GTF2IRD1: variants seen among roughly 807,000 people sequenced by gnomAD.
The protein encoded by GTF2IRD1 is GTF2I repeat domain containing 1.
Under a neutral mutation model 113.2 loss-of-function variants are expected in GTF2IRD1, and 26 were observed. The ratio of observed to expected loss-of-function variants is 0.23; its 90% CI spans 0.17 to 0.32. GTF2IRD1 has a LOEUF of 0.32. GTF2IRD1 is among the 10% of genes least tolerant of loss of function. The pLI is 1.00. For missense variants in GTF2IRD1, 864 were observed against 1,280.8 expected (o/e 0.67, Z 4.97); for synonymous variants, 484 against 529.1 (o/e 0.91, Z 1.17).
chr7:74,517,001 T>TTTTTTTTTG (rs1554344715), intron 4 of GTF2IRD1, among the ~76,000 whole-genome samples: 1 of 90,182 alleles, frequency 1.1e-5, no homozygotes, highest in African/African-American at 5.6e-5. Context: ...CTCTCCTGTC[T>TTTTTTTTTG]TTGTTGTTGT....
chr7:74,481,300 G>A lies in GTF2IRD1; in HGVS notation c.-6-26775G>A, dbSNP rs189252124. ...TTTCTGAGTAGCTGTGACGACAGGC[G>A]CGTGCCACCACGCCCGGCTCATATT... On this transcript the variant is annotated intron_variant, in intron 1 of 26. Coordinates refer to ENST00000424337, the MANE Select transcript of GTF2IRD1 (RefSeq NM_005685.4). 7.8e-3 allele frequency among the ~76,000 whole-genome samples: 1,183 copies of A among 152,188 alleles called. 6 individuals are homozygous for A. Among genetic ancestry groups the A allele is most frequent in the Non-Finnish European group, 0.013 (864 of 68,004 alleles).
At chr7:74,492,607 T>C (rs1460147550) in intron 1 of GTF2IRD1, among the ~76,000 whole-genome samples, 1 of 152,236 alleles carries the variant, frequency 6.6e-6, no homozygotes, top group Non-Finnish European at 1.5e-5. Context: ...GTTGGCTGCA[T>C]GTACATCTCC....
At chr7:74,519,765 GTC>G (rs782569408) in intron 6 of GTF2IRD1, 46 bp downstream of exon 6, 1 of 1,390,404 alleles carries the variant, frequency 7.2e-7, no homozygotes, top group Non-Finnish European at 9.9e-7. Flanking sequence ...TGGGACAGAG[GTC>G]ACTCATGCAG....
At chr7:74,561,710 TG>T (rs1799977206) in intron 22 of GTF2IRD1, among the ~76,000 whole-genome samples, 2 of 152,110 alleles carry the variant, frequency 1.3e-5, no homozygotes, top group Non-Finnish European at 2.9e-5. Flanking sequence ...ACTGGGTTTC[TG>T]GCCCTGCACT....
chr7:74,511,464 A>C (rs1796622390), intron 2 of GTF2IRD1, among the ~76,000 whole-genome samples: 1 of 152,130 alleles, frequency 6.6e-6, no homozygotes, highest in Admixed American at 6.6e-5. Context: ...AGCTGGATTT[A>C]TTTGTTTTAT....
intron 1 of GTF2IRD1, among the ~76,000 whole-genome samples, chr7:74,490,595 C>G (rs2117218344): frequency 7.8e-6 from 1 of 127,568 alleles, no homozygotes; most frequent in Non-Finnish European, 1.6e-5. Context: ...TTTGTTTGTT[C>G]TCTCAAGCTT....
Position 74,512,518 on chromosome 7 carries a change from G to T in GTF2IRD1, c.124-312G>T, listed in dbSNP as rs782185276. On this transcript the variant is annotated intron_variant, in intron 2 of 26. Coordinates refer to ENST00000424337, the MANE Select transcript of GTF2IRD1 (RefSeq NM_005685.4). This position sits in a 1 kb window ranked among gnomAD's most constrained non-coding sequence, Gnocchi z 4.4. Reference sequence around the variant, plus strand: ...CCTCCTCATCCAGGACTTGAGAGGGGCCAAGAAAACCCAGCACGGCATTGT... The same window carrying T: ...CCTCCTCATCCAGGACTTGAGAGGGTCCAAGAAAACCCAGCACGGCATTGT... Among the ~76,000 whole-genome samples the T allele has an allele frequency of 6.6e-6, 1 of 152,108 alleles. No individual in the cohort carries two copies. The highest frequency in any genetic ancestry group is 1.5e-5 in the Non-Finnish European group (1 of 68,016).
chr7:74,459,452 C>CT (rs1793217473), intron 1 of GTF2IRD1, among the ~76,000 whole-genome samples: 1 of 151,368 alleles, frequency 6.6e-6, no homozygotes, highest in African/African-American at 2.4e-5. Context: ...GAGTGAAACT[C>CT]TGTCTCAAAA....
intron 1 of GTF2IRD1, among the ~76,000 whole-genome samples, chr7:74,488,317 A>C (rs1002785904): frequency 6.6e-6 from 1 of 152,140 alleles, no homozygotes; most frequent in Non-Finnish European, 1.5e-5. Context: ...AGAATCTTCA[A>C]ATCTTGCTCT....
intron 7 of GTF2IRD1, among the ~76,000 whole-genome samples, chr7:74,522,597 C>T (rs930989181): frequency 2.6e-5 from 4 of 152,152 alleles, no homozygotes; most frequent in Non-Finnish European, 4.4e-5. Flanking sequence ...ACCCTCCCCC[C>T]CAACAACAAC....
chr7:74,599,448 C>T (rs186053463), intron 25 of GTF2IRD1, among the ~76,000 whole-genome samples: 34 of 152,232 alleles, frequency 2.2e-4, no homozygotes, highest in Admixed American at 2.0e-3. Flanking sequence ...TTCTTTTATG[C>T]ATGCGGTGTT....
At chr7:74,547,755 C>CT (rs587743253) in intron 17 of GTF2IRD1, among the ~76,000 whole-genome samples, 24,619 of 114,198 alleles carry the variant, frequency 0.22, 3,427 homozygotes, top group Non-Finnish European at 0.25. Flanking sequence ...TTCTCTCTCT[C>CT]TTTTTTTTTT....
chr7:74,526,296 G>A (rs1435646711), intron 8 of GTF2IRD1, among the ~76,000 whole-genome samples: 5 of 152,184 alleles, frequency 3.3e-5, no homozygotes, highest in Admixed American at 6.5e-5. Flanking sequence ...TCCCCATAAA[G>A]CCGGAGCTCC....
At chr7:74,588,594 G>A (rs1478504614) in intron 22 of GTF2IRD1, among the ~76,000 whole-genome samples, 1 of 151,954 alleles carries the variant, frequency 6.6e-6, no homozygotes, top group Non-Finnish European at 1.5e-5. Flanking sequence ...GCAGTGACGT[G>A]ATCTCTGCTC....
At chr7:74,496,362 A>ATG (rs1190595418) in intron 1 of GTF2IRD1, among the ~76,000 whole-genome samples, 26 of 117,900 alleles carry the variant, frequency 2.2e-4, no homozygotes, top group South Asian at 5.7e-4. Context: ...GTGTGGGTGC[A>ATG]TGTGTGTGTG....
At chr7:74,597,322 G>A (rs1420752737) in intron 25 of GTF2IRD1, among the ~76,000 whole-genome samples, 2 of 149,786 alleles carry the variant, frequency 1.3e-5, no homozygotes, top group Non-Finnish European at 3.0e-5. Context: ...GATTACAGGC[G>A]TAAGCCACTG....
intron 1 of GTF2IRD1, among the ~76,000 whole-genome samples, chr7:74,498,878 A>G (rs534197913): frequency 1.9e-4 from 29 of 151,990 alleles, no homozygotes; most frequent in African/African-American, 6.5e-4. Flanking sequence ...ATAGGCGTGT[A>G]CCACCACCCC....
intron 6 of GTF2IRD1, among the ~76,000 whole-genome samples, chr7:74,520,617 A>G (rs183946603): frequency 1.3e-5 from 2 of 151,922 alleles, no homozygotes; most frequent in South Asian, 2.1e-4. Context: ...AGTGGTTCCA[A>G]TGTGCTCAAG....
At chr7:74,544,844 C>G (rs782674982) in intron 15 of GTF2IRD1, 42 bp downstream of exon 15, 2 of 1,530,310 alleles carry the variant, frequency 1.3e-6, no homozygotes, top group Non-Finnish European at 1.8e-6. Flanking sequence ...CCCACCCCCA[C>G]CCCATCTCTC....
Sources: gnomAD v4.1 joint callset for allele counts (sites outside exome capture counted in the v4.1 genomes callset) on GRCh38, gnomAD v4.1.1 for gene constraint, Gnocchi (gnomAD v3.1) non-coding constraint, MANE v1.5 for transcripts, NCBI Gene and HGNC (gene_info 2026-07-23, HGNC 2026-07-21) for gene names.